KIAA2012: variants seen among roughly 807,000 people sequenced by gnomAD.
KIAA2012 encodes uncharacterized protein KIAA2012.
KIAA2012 carries 125 observed loss-of-function variants against 150.6 expected under a neutral mutation model. The observed-to-expected ratio is 0.83, with a 90% CI of 0.72 to 0.96. The LOEUF is 0.96. Ranked by LOEUF, KIAA2012 falls within the 40% of genes least tolerant of loss-of-function variation. The probability of loss-of-function intolerance (pLI) is 0.00; values close to 1 mark genes in which losing one functional copy is unlikely to be tolerated. For missense variants in KIAA2012, 1,219 were observed against 1,354.9 expected (o/e 0.90, Z 1.57); for synonymous variants, 462 against 504.7 (o/e 0.92, Z 1.13).
At chr2:202,121,113 C>T (rs1053784302) in intron 11 of KIAA2012, among the ~76,000 whole-genome samples, 2 of 152,060 alleles carry the variant, frequency 1.3e-5, no homozygotes, top group East Asian at 3.9e-4. Flanking sequence ...TGGACTTGGT[C>T]GTGGTAATAG....
At chr2:202,168,448 A>G (rs1052764818) in intron 15 of KIAA2012, among the ~76,000 whole-genome samples, 1 of 151,760 alleles carries the variant, frequency 6.6e-6, no homozygotes, top group South Asian at 2.1e-4. Flanking sequence ...AGAAAAAAAA[A>G]GAAAAGTACC....
chr2:202,201,386 G>A, intron 22 of KIAA2012: 1 of 1,587,162 alleles, frequency 6.3e-7, no homozygotes. Context: ...TTCCTCACCA[G>A]ATGGTGTAGC....
Position 202,096,163 on chromosome 2 carries a change from G to A in KIAA2012, c.686-1272G>A, listed in dbSNP as rs1045285363. ...CCCTCAGAAATGCATTTGGTTCCAG[G>A]TGAATCTGACCAGAAAAGATGGACC... On this transcript the variant is annotated intron_variant, in intron 4 of 23. Coordinates refer to ENST00000498697, the MANE Select transcript of KIAA2012 (RefSeq NM_001277372.4). Among the ~76,000 whole-genome samples the A allele has an allele frequency of 2.0e-5, 3 of 152,234 alleles. No homozygotes were observed. The South Asian group carries it at 6.2e-4, about 32-fold the overall frequency.
rs368007913 is a variant in KIAA2012 at position 202,139,052 on chromosome 2, C to G, written c.1908+544C>G. Among the ~76,000 whole-genome samples the G allele has an allele frequency of 4.9e-4, 75 of 152,008 alleles. 1 individual carries two copies. Among genetic ancestry groups the G allele is most frequent in the Non-Finnish European group, 6.6e-4 (45 of 67,970 alleles). On this transcript the variant is annotated intron_variant, in intron 13 of 23. Transcript: ENST00000498697. ...AGGAGTTCGAGACCAGCCTGGCCAA[C>G]GTGGTGAAACCAACCCCGTGTCTAC...
At chr2:202,183,609 T>C (rs1236129514) in intron 15 of KIAA2012, among the ~76,000 whole-genome samples, 1 of 151,778 alleles carries the variant, frequency 6.6e-6, no homozygotes, top group Non-Finnish European at 1.5e-5. Flanking sequence ...GTTCAAGCTA[T>C]TCTCTTGCCT....
rs375559164 is a variant in KIAA2012 at position 202,113,807 on chromosome 2, G to A, written c.1762+361G>A. The A allele has an allele frequency of 6.4e-5, 12 of 188,666 alleles. No individual in the cohort carries two copies. The South Asian group carries it at 1.1e-3, about 17-fold the overall frequency. 11.7% of individuals were successfully genotyped at this position (188,666 alleles called of 1,614,324 possible). A position where few individuals can be genotyped will look rare whatever the true frequency, so the allele number is the denominator to read the frequency against. On this transcript the variant is annotated intron_variant, in intron 11 of 23. Transcript: ENST00000498697. The stretch of plus-strand genomic sequence containing the variant: ...CCAACCACCCTGCAGAGGTGGAGAC[G>A]GCTAATTGGTAATCCAATCAGGTAT...
At chr2:202,158,908 T>A (rs1559223679) in intron 14 of KIAA2012, among the ~76,000 whole-genome samples, 1 of 152,174 alleles carries the variant, frequency 6.6e-6, no homozygotes, top group South Asian at 2.1e-4. Flanking sequence ...TATCAAAGGA[T>A]GTGTATGTTA....
intron 4 of KIAA2012, among the ~76,000 whole-genome samples, chr2:202,095,128 C>T (rs1221438858): frequency 6.6e-6 from 1 of 152,048 alleles, no homozygotes; most frequent in Non-Finnish European, 1.5e-5. Context: ...GTTCATTATA[C>T]CTCCTTAGCT....
rs1232250082 is a variant in KIAA2012, at chr2:202,105,784, C to A, written c.1348C>A (p.Pro450Thr). Residue 450 changes from proline to threonine, a missense_variant, in exon 9 of 24, where the codon CCA becomes ACA. Coordinates refer to ENST00000498697, the MANE Select transcript of KIAA2012 (RefSeq NM_001277372.4). ...RRGAPHPESE[P>T]ESSEESTPVW... Reference sequence around the variant, plus strand: ...AGGTGCTCCACACCCTGAGTCAGAACCAGAAAGCAGCGAAGAATCCACACC... The same window carrying A: ...AGGTGCTCCACACCCTGAGTCAGAAACAGAAAGCAGCGAAGAATCCACACC... The A allele has an allele frequency of 1.9e-6, 3 of 1,550,474 alleles. No individual in the cohort carries two copies. The highest frequency in any genetic ancestry group is 2.6e-6 in the Non-Finnish European group (3 of 1,146,998).
chr2:202,186,963 C>A lies in KIAA2012; in HGVS notation c.2241C>A (p.His747Gln), dbSNP rs1559232503. The change falls in exon 17 of 24, where the codon CAC (histidine) becomes CAA (glutamine). Residue 747 changes from histidine (H) to glutamine (Q), a missense_variant. His to Gln is a conservative substitution (Grantham distance 24). Transcript: ENST00000498697. Reference sequence around the variant, plus strand: ...GAGATTATGATGTACACCACCTACACAGAGGACTTCTGGGATACGGGCCTG... The same window carrying A: ...GAGATTATGATGTACACCACCTACAAAGAGGACTTCTGGGATACGGGCCTG... ...VGRDYDVHHL[H>Q]RGLLGYGPES... is the part of the protein sequence containing the mutation. 12 of 1,550,620 alleles carry A rather than the reference C, an allele frequency of 7.7e-6. No homozygotes were observed. In the East Asian group the frequency reaches 2.9e-4, roughly 38 times the overall value.
chr2:202,190,534 T>C (rs1193798737), intron 19 of KIAA2012, 41 bp downstream of exon 19: 1 of 1,417,718 alleles, frequency 7.1e-7, no homozygotes. Flanking sequence ...GAAGTTCTGT[T>C]CTCACTTGGC....
intron 22 of KIAA2012, among the ~76,000 whole-genome samples, chr2:202,201,203 C>T (rs1403884129): frequency 2.0e-5 from 3 of 152,136 alleles, no homozygotes; most frequent in East Asian, 3.9e-4. Context: ...GTTACTGCTA[C>T]CATTACATGG....
At chr2:202,124,048 C>A (rs192740579) in intron 11 of KIAA2012, among the ~76,000 whole-genome samples, 1 of 152,000 alleles carries the variant, frequency 6.6e-6, no homozygotes, top group South Asian at 2.1e-4. Context: ...AAAAATTAGC[C>A]GGGTGTTGGT....
At chr2:202,192,453 T>G (rs1313942843) in intron 19 of KIAA2012, among the ~76,000 whole-genome samples, 5 of 147,588 alleles carry the variant, frequency 3.4e-5, no homozygotes, top group Non-Finnish European at 7.5e-5. Flanking sequence ...TAAAATAGCT[T>G]CTTTTTTTTT....
At chr2:202,111,340 C>CA (rs67625607) in intron 10 of KIAA2012, among the ~76,000 whole-genome samples, 32,930 of 83,784 alleles carry the variant, frequency 0.39, 5,560 homozygotes, top group Non-Finnish European at 0.49. Flanking sequence ...ACTAAAAATA[C>CA]AAAAAAAAAA....
intron 13 of KIAA2012, among the ~76,000 whole-genome samples, chr2:202,150,954 G>C (rs1289201146): frequency 1.3e-5 from 2 of 152,176 alleles, no homozygotes; most frequent in Non-Finnish European, 2.9e-5. Flanking sequence ...CCCAAGAGCT[G>C]CAAGTGTCAG....
intron 13 of KIAA2012, among the ~76,000 whole-genome samples, chr2:202,144,535 TA>T (rs1212443140): frequency 6.6e-6 from 1 of 152,192 alleles, no homozygotes; most frequent in Non-Finnish European, 1.5e-5. Flanking sequence ...AAACAAAAGA[TA>T]AAACACCTGT....
At position 202,090,825 on chromosome 2, in the gene KIAA2012, G is replaced by A. The variant is rs1689699714; in HGVS notation, c.425G>A (p.Ser142Asn). ...PYLHFRSQLESQAQRQIQPGH... is the reference protein window; with the variant it reads ...PYLHFRSQLENQAQRQIQPGH... ...CTCCACTTCCGAAGCCAGCTGGAGA[G>A]CCAGGCCCAACGGCAGATCCAGCCA... is the stretch of plus-strand genomic sequence containing the variant. Residue 142 changes from serine to asparagine, a missense_variant, in exon 3 of 24, where the codon AGC (serine) becomes AAC (asparagine). Ser to Asn is a conservative substitution (Grantham distance 46, BLOSUM62 1). Coordinates refer to ENST00000498697, the MANE Select transcript of KIAA2012 (RefSeq NM_001277372.4). The A allele has an allele frequency of 5.8e-6, 9 of 1,550,624 alleles. No individual in the cohort carries two copies. In the East Asian group the frequency reaches 2.2e-4, roughly 38 times the overall value.
chr2:202,117,144 C>T (rs1018555390), intron 11 of KIAA2012: 1 of 152,232 alleles, frequency 6.6e-6, no homozygotes, highest in Non-Finnish European at 1.5e-5. Context: ...AAGATTCCCA[C>T]AGAAACTGAG....
Sources: gnomAD v4.1 joint callset for allele counts (sites outside exome capture counted in the v4.1 genomes callset) on GRCh38, gnomAD v4.1.1 for gene constraint, MANE v1.5 for transcripts, NCBI Gene and HGNC (gene_info 2026-07-23, HGNC 2026-07-21) for gene names.